PPFIBP2: variants seen among roughly 807,000 people sequenced by gnomAD.
PPFIBP2 encodes the protein PPFIB scaffold protein 2.
In PPFIBP2, 118 loss-of-function variants were observed where a neutral mutation model predicts 118.3. That is an observed-to-expected ratio of 1.00 (90% CI 0.86 to 1.16). PPFIBP2 has a LOEUF of 1.16. Among genes scored for constraint, PPFIBP2 ranks in the 50% most tolerant of loss-of-function variants. The pLI is 0.00. For synonymous variants in PPFIBP2, 414 were observed against 397.4 expected (o/e 1.04, Z -0.50); for missense variants, 1,195 against 1,073.1 (o/e 1.11, Z -1.59).
chr11:7,651,347 A>AG (rs1853976329), intron 22 of PPFIBP2: 7 of 368,604 alleles, frequency 1.9e-5, no homozygotes, highest in African/African-American at 4.1e-5. Context: ...GCAAAGCCAG[A>AG]GGGGAAATGA....
chr11:7,524,210 G>T (rs1414719165), intron 1 of PPFIBP2, among the ~76,000 whole-genome samples: 1 of 152,020 alleles, frequency 6.6e-6, no homozygotes, highest in Non-Finnish European at 1.5e-5. Context: ...CAGAGAGGGG[G>T]TAGAGCCACA....
intron 3 of PPFIBP2, among the ~76,000 whole-genome samples, chr11:7,575,399 T>C (rs1235286187): frequency 1.3e-5 from 2 of 152,140 alleles, no homozygotes; most frequent in East Asian, 3.9e-4. Flanking sequence ...AAGCTGGGAG[T>C]GAGCAAGGCT....
At chr11:7,601,957 G>A (rs1846689993) in intron 5 of PPFIBP2, among the ~76,000 whole-genome samples, 1 of 152,004 alleles carries the variant, frequency 6.6e-6, no homozygotes, top group African/African-American at 2.4e-5. Flanking sequence ...GACAGGTGTG[G>A]TGGTACATAC....
intron 6 of PPFIBP2, among the ~76,000 whole-genome samples, chr11:7,611,702 T>C (rs1364844474): frequency 2.0e-5 from 3 of 152,252 alleles, no homozygotes. Context: ...TTCCAATTTC[T>C]TTGGTTATTC....
At chr11:7,609,827 A>G (rs1370163253) in intron 5 of PPFIBP2, among the ~76,000 whole-genome samples, 1 of 152,212 alleles carries the variant, frequency 6.6e-6, no homozygotes, top group African/African-American at 2.4e-5. Flanking sequence ...GGTTCATTGC[A>G]GTGAAGTCTT....
At chr11:7,604,281 C>T (rs560785578) in intron 5 of PPFIBP2, among the ~76,000 whole-genome samples, 10 of 152,104 alleles carry the variant, frequency 6.6e-5, no homozygotes, top group East Asian at 1.9e-4. Context: ...GGATAAAGGG[C>T]GAGACAGTTA....
At chr11:7,621,540 C>G (rs546258286) in intron 7 of PPFIBP2, among the ~76,000 whole-genome samples, 1 of 152,206 alleles carries the variant, frequency 6.6e-6, no homozygotes, top group Middle Eastern at 3.2e-3. Context: ...TTAAAGGACA[C>G]CAATAATAAA....
rs1252154518 is a variant in PPFIBP2 at position 7,597,989 on chromosome 11, G to T, written c.486+316G>T. 4 of 251,706 alleles carry T rather than the reference G, an allele frequency of 1.6e-5. No homozygotes were observed. The East Asian group carries it at 2.7e-4, about 17-fold the overall frequency. 15.6% of individuals were successfully genotyped at this position (251,706 alleles called of 1,614,324 possible). A position where few individuals can be genotyped will look rare whatever the true frequency, so the allele number is the denominator to read the frequency against. On this transcript the variant is annotated intron_variant, in intron 5 of 23. Transcript: ENST00000299492. ...CGGCTGGGGGCCTCACCCTCATCCT[G>T]TGGGTGCCATCTGGAGTTTTAGAAA...
At chr11:7,639,603 A>T (rs7120493) in intron 14 of PPFIBP2, 129 bp from the exon 15 acceptor site, 74,102 of 1,145,962 alleles carry the variant, frequency 0.065, 2,816 homozygotes, top group Middle Eastern at 0.092. Flanking sequence ...ATAATCTTTG[A>T]GGGGTGTTCA....
chr11:7,588,396 A>G (rs1858603783), intron 3 of PPFIBP2, among the ~76,000 whole-genome samples: 1 of 152,188 alleles, frequency 6.6e-6, no homozygotes, highest in South Asian at 2.1e-4. Context: ...GATCCCAACC[A>G]TAGAATACCC....
intron 1 of PPFIBP2, among the ~76,000 whole-genome samples, chr11:7,522,847 G>C (rs1195574703): frequency 1.3e-5 from 2 of 152,054 alleles, no homozygotes; most frequent in Non-Finnish European, 2.9e-5. Context: ...GCTCAATGTG[G>C]GCACGTGTAT....
the PPFIBP2 span, among the ~76,000 whole-genome samples, chr11:7,662,890 C>A: frequency 0.22 from 27,795 of 125,646 alleles, 4,385 homozygotes; most frequent in Non-Finnish European, 0.33. Flanking sequence ...CGCTTCATTT[C>A]TTTTATTTCA....
chr11:7,573,435 T>G (rs952664511), intron 3 of PPFIBP2, among the ~76,000 whole-genome samples: 1 of 152,246 alleles, frequency 6.6e-6, no homozygotes, highest in Non-Finnish European at 1.5e-5. Context: ...CATTTTGGTG[T>G]CCATAAATAA....
At chr11:7,630,190 A>T (rs986622081) in intron 10 of PPFIBP2, among the ~76,000 whole-genome samples, 2 of 152,212 alleles carry the variant, frequency 1.3e-5, no homozygotes, top group African/African-American at 4.8e-5. Flanking sequence ...GCTTTGAAGG[A>T]TATTCAGGAA....
At chr11:7,612,864 G>T (rs1848224091) in intron 6 of PPFIBP2, among the ~76,000 whole-genome samples, 1 of 152,246 alleles carries the variant, frequency 6.6e-6, no homozygotes, top group Non-Finnish European at 1.5e-5. Context: ...ATTTGTGAGT[G>T]TCTGGAGCAA....
At position 7,640,973 on chromosome 11, in the gene PPFIBP2, G is replaced by A. The variant is rs1041981279; in HGVS notation, c.1376-506G>A. On this transcript the variant is annotated intron_variant, in intron 15 of 23. Coordinates refer to ENST00000299492, the MANE Select transcript of PPFIBP2 (RefSeq NM_003621.5). ...CTTTGCTTCCCCGTAACTCTGTTGG[G>A]CTGGACTTTGGCCTCTCTTGTTTCT... 1.0e-5 allele frequency: 12 copies of A among 1,193,556 alleles called. No homozygotes were observed. In the Middle Eastern group the frequency reaches 1.8e-3, roughly 176 times the overall value. 73.9% of individuals were successfully genotyped at this position (1,193,556 alleles called of 1,614,324 possible). A position where few individuals can be genotyped will look rare whatever the true frequency, so the allele number is the denominator to read the frequency against.
At chr11:7,665,650 T>C in the PPFIBP2 span, 30 of 1,313,512 alleles carry the variant, frequency 2.3e-5, no homozygotes, top group Admixed American at 7.6e-4. Flanking sequence ...GGTGACAAGC[T>C]GCTCTACAAA....
At chr11:7,663,873 G>A in the PPFIBP2 span, among the ~76,000 whole-genome samples, 9 of 152,160 alleles carry the variant, frequency 5.9e-5, no homozygotes, top group Non-Finnish European at 1.3e-4. Context: ...TAAGCCCGTC[G>A]GAAAAGCGCA....
chr11:7,655,382 A>G, downstream of PPFIBP2: 1 of 1,247,316 alleles, frequency 8.0e-7, no homozygotes, highest in Non-Finnish European at 1.1e-6. Flanking sequence ...CATCTCTCTG[A>G]ATCACAAGCT....
Sources: allele counts gnomAD v4.1 joint callset (sites outside exome capture counted in the v4.1 genomes callset), GRCh38; gene constraint gnomAD v4.1.1; transcripts MANE v1.5; gene names NCBI Gene and HGNC (gene_info 2026-07-23, HGNC 2026-07-21).